IGF1: variants seen among roughly 807,000 people sequenced by gnomAD.
IGF1 encodes the protein insulin-like growth factor 1.
In IGF1, 4 loss-of-function variants were observed where a neutral mutation model predicts 13.8. The observed-to-expected ratio is 0.29, with a 90% CI of 0.14 to 0.66. IGF1 has a LOEUF of 0.66. IGF1 is among the 30% of genes least tolerant of loss of function. The probability of loss-of-function intolerance (pLI) is 0.78; values close to 1 mark genes in which losing one functional copy is unlikely to be tolerated. For synonymous variants in IGF1, 76 were observed against 72.6 expected (o/e 1.05, Z -0.23); for missense variants, 124 against 188.5 (o/e 0.66, Z 2.00).
intron 2 of IGF1, among the ~76,000 whole-genome samples, chr12:102,422,908 A>G (rs2137015654): frequency 6.6e-6 from 1 of 152,306 alleles, no homozygotes; most frequent in Non-Finnish European, 1.5e-5. Flanking sequence ...AACAATTTGA[A>G]TTTACAAGTG....
intron 2 of IGF1, among the ~76,000 whole-genome samples, chr12:102,463,938 T>C (rs1303253466): frequency 6.6e-6 from 1 of 152,238 alleles, no homozygotes; most frequent in Non-Finnish European, 1.5e-5. Flanking sequence ...GTGAGAGCAC[T>C]GGATCAGATT....
chr12:102,441,906 G>GCTGCTGCTGCTTCTTCTTCTTCTTTTT, intron 2 of IGF1, among the ~76,000 whole-genome samples: 3 of 100,292 alleles, frequency 3.0e-5, no homozygotes, highest in Admixed American at 2.1e-4. Flanking sequence ...CTATTACACT[G>GCTGCTGCTGCTTCTTCTTCTTCTTTTT]CTTCTTCTCC....
intron 2 of IGF1, among the ~76,000 whole-genome samples, chr12:102,457,421 A>G (rs1879507319): frequency 6.6e-6 from 1 of 152,176 alleles, no homozygotes; most frequent in Non-Finnish European, 1.5e-5. Flanking sequence ...CTTGAGTTGG[A>G]AAGACTGGCC....
chr12:102,461,784 C>T (rs111226593), intron 2 of IGF1, among the ~76,000 whole-genome samples: 14 of 152,226 alleles, frequency 9.2e-5, no homozygotes, highest in African/African-American at 3.4e-4. Flanking sequence ...AAGGTTCCAC[C>T]AACTTGAGGG....
intron 2 of IGF1, among the ~76,000 whole-genome samples, chr12:102,437,134 G>A (rs1266760361): frequency 6.6e-6 from 1 of 152,248 alleles, no homozygotes; most frequent in Non-Finnish European, 1.5e-5. Context: ...AAAAGACAGA[G>A]GAAAAATGAC....
At position 102,417,975 on chromosome 12, in the gene IGF1, G is replaced by A. The variant is rs369105057; in HGVS notation, c.402+1534C>T. ...CCAACCTTTCCTTCTCTGAGACTTC[G>A]TGTTCTTGTTGGTAGATGGGGGCTG... is the stretch of plus-strand genomic sequence containing the variant. On this transcript the variant is annotated intron_variant, in intron 3 of 3. Coordinates refer to ENST00000337514, the MANE Select transcript of IGF1 (RefSeq NM_000618.5). The A allele has an allele frequency of 3.8e-5, 62 of 1,612,524 alleles. No homozygotes were observed. The East Asian group carries it at 4.9e-4, about 13-fold the overall frequency.
At chr12:102,420,810 G>A (rs552261511) in intron 2 of IGF1, among the ~76,000 whole-genome samples, 1 of 152,206 alleles carries the variant, frequency 6.6e-6, no homozygotes, top group South Asian at 2.1e-4. Context: ...GGATGCTCAG[G>A]CTTTATGGAA....
intron 2 of IGF1, among the ~76,000 whole-genome samples, chr12:102,467,529 A>G (rs1880411842): frequency 6.6e-6 from 1 of 152,242 alleles, no homozygotes; most frequent in South Asian, 2.1e-4. Flanking sequence ...ATAATAGTCA[A>G]ATTATGACCT....
In IGF1 at chr12:102,424,519, G is replaced by A. The variant is rs974646759; in HGVS notation, c.221-4829C>T. Among the ~76,000 whole-genome samples, 8 of 152,150 alleles carry A rather than the reference G, an allele frequency of 5.3e-5. No homozygotes were observed. In the South Asian group the frequency reaches 6.2e-4, roughly 12 times the overall value. On this transcript the variant is annotated intron_variant, in intron 2 of 3. Coordinates refer to ENST00000337514, the MANE Select transcript of IGF1 (RefSeq NM_000618.5). ...TTGCCAATTTAGAATAACTTGGAAC[G>A]GTTAGTTTTTTAGGGCAAGATTTTC... is the stretch of plus-strand genomic sequence containing the variant.
At chr12:102,446,924 C>CT (rs1483690892) in intron 2 of IGF1, among the ~76,000 whole-genome samples, 1 of 151,964 alleles carries the variant, frequency 6.6e-6, no homozygotes. Flanking sequence ...TACATTTTGT[C>CT]TTTTTTTTCT....
At chr12:102,465,936 C>CAAAT (rs3032454) in intron 2 of IGF1, among the ~76,000 whole-genome samples, 1,737 of 139,448 alleles carry the variant, frequency 0.012, 19 homozygotes, top group Admixed American at 0.035. Context: ...GACTCTGTTT[C>CAAAT]AAATAAATAA....
In IGF1 at chr12:102,411,087, A is replaced by G. The variant is rs1344026814; in HGVS notation, c.402+8422T>C. Among the ~76,000 whole-genome samples the G allele has an allele frequency of 8.5e-4, 129 of 152,244 alleles. 2 individuals carry two copies. The highest frequency in any genetic ancestry group is 8.4e-3 in the Admixed American group (129 of 15,286). On this transcript the variant is annotated intron_variant, in intron 3 of 3. Transcript: ENST00000337514. Reference sequence around the variant, plus strand: ...CTAGTGTTCTTTTGAAGAAGAAAACATATTATTATTTATAAAGAGACAAAT... The same window carrying G: ...CTAGTGTTCTTTTGAAGAAGAAAACGTATTATTATTTATAAAGAGACAAAT...
At chr12:102,431,861 G>T (rs552485728) in intron 2 of IGF1, among the ~76,000 whole-genome samples, 127 of 152,272 alleles carry the variant, frequency 8.3e-4, no homozygotes, top group Non-Finnish European at 1.2e-3. Flanking sequence ...TGAGAGAGAA[G>T]TCTGTGCACT....
At chr12:102,460,288 C>T (rs1592817085) in intron 2 of IGF1, among the ~76,000 whole-genome samples, 1 of 152,286 alleles carries the variant, frequency 6.6e-6, no homozygotes, top group African/African-American at 2.4e-5. Context: ...TCTAGAATAT[C>T]AATTCCATGT....
At chr12:102,443,757 A>G (rs1441406377) in intron 2 of IGF1, among the ~76,000 whole-genome samples, 12 of 152,138 alleles carry the variant, frequency 7.9e-5, no homozygotes. Context: ...CTGAGAGTAC[A>G]TAACTGAAGC....
At chr12:102,462,037 AT>A (rs1434023350) in intron 2 of IGF1, among the ~76,000 whole-genome samples, 1 of 152,138 alleles carries the variant, frequency 6.6e-6, no homozygotes, top group Non-Finnish European at 1.5e-5. Context: ...TTTTGATTTA[AT>A]TGGTTTGGGG....
rs1362245988 is a variant in IGF1 at position 102,396,677 on chromosome 12, G to A, written c.*5830C>T. ...AAGGCAGATTCTAAGGATTGTGGAAGGTCATGTTTTTGAAAGTGAAAGGTA... is the reference window on the plus strand; with the variant it reads ...AAGGCAGATTCTAAGGATTGTGGAAAGTCATGTTTTTGAAAGTGAAAGGTA... On this transcript the variant is annotated 3_prime_UTR_variant, in exon 4 of 4. Coordinates refer to ENST00000337514, the MANE Select transcript of IGF1 (RefSeq NM_000618.5). The A allele has an allele frequency of 7.7e-6, 3 of 388,788 alleles. No individual in the cohort carries two copies. The allele number at this position is 388,788 out of a possible 1,614,324, so 24.1% of individuals were successfully genotyped here.
intron 3 of IGF1, among the ~76,000 whole-genome samples, chr12:102,418,163 T>C (rs956324022): frequency 6.6e-6 from 1 of 152,232 alleles, no homozygotes; most frequent in African/African-American, 2.4e-5. Context: ...TCCAGAACTT[T>C]GGGACTCATC....
At chr12:102,475,550 T>C (rs1880964222) in intron 2 of IGF1, 93 bp downstream of exon 2, 1 of 1,393,484 alleles carries the variant, frequency 7.2e-7, no homozygotes, top group Admixed American at 1.7e-5. Context: ...ATACGGGCAC[T>C]CATTCAGTTA....
Sources: allele counts gnomAD v4.1 joint callset (sites outside exome capture counted in the v4.1 genomes callset), GRCh38; gene constraint gnomAD v4.1.1; transcripts MANE v1.5; gene names NCBI Gene and HGNC (gene_info 2026-07-23, HGNC 2026-07-21).